SPON1: variants seen among roughly 807,000 people sequenced by gnomAD.
SPON1 encodes spondin-1.
A neutral mutation model predicts 111.7 loss-of-function variants in SPON1; 52 were observed. The ratio of observed to expected loss-of-function variants is 0.47; its 90% CI spans 0.37 to 0.59. SPON1 has a LOEUF of 0.59. Ranked by LOEUF, SPON1 falls within the 20% of genes least tolerant of loss-of-function variation. The pLI is 0.00. For missense variants in SPON1, 957 were observed against 1,068.5 expected (o/e 0.90, Z 1.46); for synonymous variants, 410 against 395.8 (o/e 1.04, Z -0.43).
At chr11:14,168,589 G>C (rs1046724520) in intron 6 of SPON1, among the ~76,000 whole-genome samples, 6 of 151,990 alleles carry the variant, frequency 3.9e-5, no homozygotes, top group Non-Finnish European at 5.9e-5. Context: ...AGCCATGTTG[G>C]TGTGCTGCAC....
At chr11:14,256,952 A>T (rs1422661972) in intron 10 of SPON1, among the ~76,000 whole-genome samples, 2 of 152,174 alleles carry the variant, frequency 1.3e-5, no homozygotes, top group Non-Finnish European at 2.9e-5. Context: ...TCTCATTTTA[A>T]TGGGCTTCGC....
intron 2 of SPON1, among the ~76,000 whole-genome samples, chr11:13,987,340 T>C (rs1170642203): frequency 6.6e-6 from 1 of 152,258 alleles, no homozygotes; most frequent in Non-Finnish European, 1.5e-5. Flanking sequence ...TTTTCATATG[T>C]CTGTTGGCTG....
chr11:14,061,687 T>A (rs1848792087), intron 3 of SPON1, among the ~76,000 whole-genome samples: 1 of 152,152 alleles, frequency 6.6e-6, no homozygotes, highest in Non-Finnish European at 1.5e-5. Context: ...AAAACAAAAT[T>A]AACGTGATTA....
intron 3 of SPON1, among the ~76,000 whole-genome samples, chr11:14,053,963 C>T (rs1848726341): frequency 6.6e-6 from 1 of 152,196 alleles, no homozygotes; most frequent in Non-Finnish European, 1.5e-5. Flanking sequence ...TCTATAGATG[C>T]TCTCCTGCTC....
chr11:13,994,439 C>T (rs1056982379), intron 2 of SPON1, among the ~76,000 whole-genome samples: 1 of 150,796 alleles, frequency 6.6e-6, no homozygotes, highest in Non-Finnish European at 1.5e-5. Flanking sequence ...ATCCCCCATC[C>T]CCACACACAC....
chr11:13,982,705 A>G (rs376806934), intron 1 of SPON1, 142 bp from the exon 2 acceptor site: 9 of 628,060 alleles, frequency 1.4e-5, no homozygotes, highest in Non-Finnish European at 2.0e-5. Context: ...TCTCACCTCA[A>G]TGGATGAAGG....
chr11:14,034,878 A>G (rs10832166), intron 2 of SPON1, among the ~76,000 whole-genome samples: 45,670 of 152,122 alleles, frequency 0.3, 7,941 homozygotes, highest in South Asian at 0.51. Context: ...CAGTGTAGTC[A>G]CCCAGAACCT....
chr11:13,970,815 G>A (rs540085548), intron 1 of SPON1, among the ~76,000 whole-genome samples: 17 of 152,162 alleles, frequency 1.1e-4, no homozygotes, highest in African/African-American at 3.6e-4. Context: ...CGTCACTTTC[G>A]CCTGATTTTG....
chr11:14,201,022 T>C (rs1848456319), intron 6 of SPON1, among the ~76,000 whole-genome samples: 1 of 151,816 alleles, frequency 6.6e-6, no homozygotes, highest in African/African-American at 2.4e-5. Flanking sequence ...TCAGTTTCCA[T>C]ATCTGTAAAA....
chr11:14,123,544 ATC>A (rs1195318670), intron 5 of SPON1, among the ~76,000 whole-genome samples: 1 of 152,108 alleles, frequency 6.6e-6, no homozygotes, highest in Non-Finnish European at 1.5e-5. Flanking sequence ...GACCTCTAGA[ATC>A]TCTATTCAGC....
intron 6 of SPON1, among the ~76,000 whole-genome samples, chr11:14,178,571 T>C (rs1456736082): frequency 6.6e-6 from 1 of 152,192 alleles, no homozygotes; most frequent in Non-Finnish European, 1.5e-5. Flanking sequence ...AATTGTTACA[T>C]ACTCTGCAAG....
At chr11:14,077,373 GAAAC>G (rs2133830825) in intron 4 of SPON1, among the ~76,000 whole-genome samples, 1 of 151,750 alleles carries the variant, frequency 6.6e-6, no homozygotes, top group East Asian at 1.9e-4. Flanking sequence ...TAAGAACAGA[GAAAC>G]AAAATATTCA....
intron 2 of SPON1, among the ~76,000 whole-genome samples, chr11:14,001,807 T>A (rs1339827318): frequency 2.0e-5 from 3 of 152,024 alleles, no homozygotes; most frequent in Non-Finnish European, 2.9e-5. Flanking sequence ...TTACAAAAGA[T>A]GTAACATACG....
intron 3 of SPON1, among the ~76,000 whole-genome samples, chr11:14,052,300 T>C (rs1554918686): frequency 1.3e-5 from 2 of 152,344 alleles, no homozygotes; most frequent in East Asian, 1.9e-4. Flanking sequence ...TAGGGCTCAC[T>C]AACTCTTTTT....
intron 2 of SPON1, among the ~76,000 whole-genome samples, chr11:14,014,242 G>T (rs1848427664): frequency 6.6e-6 from 1 of 152,124 alleles, no homozygotes; most frequent in Non-Finnish European, 1.5e-5. Flanking sequence ...CAAGTGAGAT[G>T]GTAGCAGGCA....
chr11:14,171,487 T>C (rs1554932457), intron 6 of SPON1, among the ~76,000 whole-genome samples: 2 of 152,194 alleles, frequency 1.3e-5, no homozygotes, highest in Non-Finnish European at 2.9e-5. Context: ...ATGTCTCTAT[T>C]TCCTTCAGTT....
chr11:14,252,931 G>A (rs1849067298), intron 7 of SPON1, among the ~76,000 whole-genome samples: 1 of 152,240 alleles, frequency 6.6e-6, no homozygotes, highest in Non-Finnish European at 1.5e-5. Flanking sequence ...TTTCTAACAA[G>A]TTCCTAGAGG....
intron 5 of SPON1, among the ~76,000 whole-genome samples, chr11:14,108,684 A>G (rs1554925130): frequency 6.6e-6 from 1 of 152,166 alleles, no homozygotes; most frequent in African/African-American, 2.4e-5. Flanking sequence ...AATAAAATAT[A>G]TCCATTTCAG....
intron 14 of SPON1, 42 bp downstream of exon 14, chr11:14,260,794 C>CTGAG: frequency 6.3e-7 from 1 of 1,592,198 alleles, no homozygotes; most frequent in Non-Finnish European, 8.6e-7. Flanking sequence ...TTCTATGTTC[C>CTGAG]TGAGTCCAGG....
Sources: gnomAD v4.1 joint callset for allele counts (sites outside exome capture counted in the v4.1 genomes callset) on GRCh38, gnomAD v4.1.1 for gene constraint, MANE v1.5 for transcripts, NCBI Gene and HGNC (gene_info 2026-07-23, HGNC 2026-07-21) for gene names.